Variants in PREX1 observed in about 807,000 individuals in gnomAD.
PREX1 encodes the protein phosphatidylinositol 3,4,5-trisphosphate-dependent Rac exchanger 1 protein.
Under a neutral mutation model 198.3 loss-of-function variants are expected in PREX1, and 41 were observed. That is an observed-to-expected ratio of 0.21 (90% CI 0.16 to 0.27). The LOEUF (loss-of-function observed/expected upper bound fraction) is 0.27. Ranked by LOEUF, PREX1 falls within the 10% of genes least tolerant of loss-of-function variation. The pLI, the probability that PREX1 is intolerant of heterozygous loss-of-function variation, is 1.00. For missense variants in PREX1, 1,620 were observed against 2,200.7 expected (o/e 0.74, Z 5.28); for synonymous variants, 843 against 887.2 (o/e 0.95, Z 0.89).
At chr20:48,745,929 T>C (rs1025744174) in intron 2 of PREX1, among the ~76,000 whole-genome samples, 1 of 152,246 alleles carries the variant, frequency 6.6e-6, no homozygotes, top group Non-Finnish European at 1.5e-5. Flanking sequence ...CTTCCTGCAA[T>C]GTACAGGACA....
chr20:48,851,683 T>C, the PREX1 span, among the ~76,000 whole-genome samples: 17 of 152,164 alleles, frequency 1.1e-4, no homozygotes, highest in African/African-American at 4.1e-4. Context: ...TGGCTGTCAC[T>C]TGTTTGTTAT....
At chr20:48,807,565 T>A (rs1302226036) in intron 1 of PREX1, among the ~76,000 whole-genome samples, 1 of 152,184 alleles carries the variant, frequency 6.6e-6, no homozygotes, top group Non-Finnish European at 1.5e-5. Flanking sequence ...ACTTACATCT[T>A]TACCTACTTT....
chr20:48,851,517 A>AAAAT, the PREX1 span, among the ~76,000 whole-genome samples: 1 of 152,124 alleles, frequency 6.6e-6, no homozygotes, highest in Non-Finnish European at 1.5e-5. Flanking sequence ...AAAATAAATA[A>AAAAT]AAATAAATAA....
intron 1 of PREX1, among the ~76,000 whole-genome samples, chr20:48,750,531 C>G (rs2090129605): frequency 1.3e-5 from 2 of 152,214 alleles, no homozygotes; most frequent in South Asian, 4.1e-4. Context: ...CACTCTCATT[C>G]TAGATTCTAT....
At chr20:48,842,335 C>A in the PREX1 span, among the ~76,000 whole-genome samples, 4 of 152,130 alleles carry the variant, frequency 2.6e-5, no homozygotes, top group African/African-American at 9.7e-5. Context: ...TTAATCTAAT[C>A]TCAAAGACCA....
At chr20:48,643,554 C>A (rs1456367536) in intron 27 of PREX1, among the ~76,000 whole-genome samples, 1 of 152,136 alleles carries the variant, frequency 6.6e-6, no homozygotes, top group Non-Finnish European at 1.5e-5. Context: ...ATCCATCCAC[C>A]CACCTGCCCA....
intron 10 of PREX1, among the ~76,000 whole-genome samples, chr20:48,683,055 G>A (rs1319769488): frequency 6.6e-6 from 1 of 152,242 alleles, no homozygotes; most frequent in African/African-American, 2.4e-5. Context: ...TGTGGGACAG[G>A]CGCCCCAGGT....
At chr20:48,859,404 G>C in the PREX1 span, among the ~76,000 whole-genome samples, 1 of 152,116 alleles carries the variant, frequency 6.6e-6, no homozygotes, top group Non-Finnish European at 1.5e-5. Flanking sequence ...AATGCCCCAT[G>C]AAGATTCTCC....
chr20:48,792,307 C>T (rs1467207658), intron 1 of PREX1, among the ~76,000 whole-genome samples: 2 of 152,040 alleles, frequency 1.3e-5, no homozygotes, highest in African/African-American at 4.8e-5. Context: ...CCGGTCTCTA[C>T]TAAAAACACA....
chr20:48,842,635 C>A, the PREX1 span, among the ~76,000 whole-genome samples: 5 of 150,848 alleles, frequency 3.3e-5, no homozygotes, highest in Non-Finnish European at 5.9e-5. Context: ...GTGTCTCCAT[C>A]CTTATCATAT....
Position 48,650,267 on chromosome 20 carries a change from A to G in PREX1, c.2818-61T>C, listed in dbSNP as rs991152610. On this transcript the variant is annotated intron_variant, in intron 23 of 39. Coordinates refer to ENST00000371941, the MANE Select transcript of PREX1 (RefSeq NM_020820.4). ...GGGCAGGGTCTGGAAATATTGGCCC[A>G]TACCCAGTACCCACTTTATCCTGGC... is the stretch of plus-strand genomic sequence containing the variant. The G allele has an allele frequency of 1.3e-5, 19 of 1,502,316 alleles. No individual in the cohort carries two copies. In the African/African-American group the frequency reaches 2.2e-4, roughly 18 times the overall value. 93.1% of individuals were successfully genotyped at this position (1,502,316 alleles called of 1,614,324 possible).
chr20:48,681,465 G>A (rs755665323), intron 10 of PREX1, 130 bp from the exon 11 acceptor site: 48 of 847,688 alleles, frequency 5.7e-5, no homozygotes, highest in Non-Finnish European at 8.4e-5. Context: ...GAAGCCGAGT[G>A]TAGTAGTCTA....
chr20:48,642,553 C>G (rs774724439), intron 27 of PREX1, 64 bp from the exon 28 acceptor site: 2 of 1,408,748 alleles, frequency 1.4e-6, no homozygotes, highest in Non-Finnish European at 2.0e-6. Flanking sequence ...ATCCCCAGCA[C>G]TTTCCTAAGA....
intron 14 of PREX1, among the ~76,000 whole-genome samples, chr20:48,668,129 C>T (rs1037926420): frequency 6.6e-6 from 1 of 151,938 alleles, no homozygotes; most frequent in Non-Finnish European, 1.5e-5. Context: ...CAATACGTCC[C>T]GGCCAAGTGT....
rs112972823 is a variant in PREX1 at position 48,666,387 on chromosome 20, G to A, written c.1666-32C>T. 3.9e-6 allele frequency: 6 copies of A among 1,529,334 alleles called. No homozygotes were observed. In the South Asian group the frequency reaches 6.0e-5, roughly 15 times the overall value. The allele number at this position is 1,529,334 out of a possible 1,614,324, so 94.7% of individuals were successfully genotyped here. A position where few individuals can be genotyped will look rare whatever the true frequency, so the allele number is the denominator to read the frequency against. ...TGGAACAAGAAGGGGAGGGTGTTAG[G>A]TGGCAGCATCCGAGAGGCCATGCAT... On this transcript the variant is annotated intron_variant, in intron 14 of 39. Transcript: ENST00000371941. The surrounding 1 kb of genome is among the most constrained non-coding windows in gnomAD (Gnocchi z 4.3).
chr20:48,627,986 G>T, intron 37 of PREX1, 23 bp from the exon 38 acceptor site: 2 of 1,508,166 alleles, frequency 1.3e-6, no homozygotes, highest in Non-Finnish European at 1.8e-6. Context: ...AGGGAGGACA[G>T]CGGGTTGGCG....
chr20:48,654,188 T>C lies in PREX1; in HGVS notation c.2210-691A>G, dbSNP rs73911611. On this transcript the variant is annotated intron_variant, in intron 19 of 39. Coordinates refer to ENST00000371941, the MANE Select transcript of PREX1 (RefSeq NM_020820.4). ...GAGGCTGGCTTCCTCATCTGTGAAA[T>C]GGGAACGCTCATAATCCCTACGCTG... 3.5e-3 allele frequency among the ~76,000 whole-genome samples: 530 copies of C among 152,298 alleles called. 6 individuals carry two copies. The highest frequency in any genetic ancestry group is 0.016 in the South Asian group (79 of 4,826).
rs560093410 is a variant in PREX1 at position 48,645,417 on chromosome 20, A to G, written c.3512+434T>C. Among the ~76,000 whole-genome samples, 3 of 152,354 alleles carry G rather than the reference A, an allele frequency of 2.0e-5. No individual in the cohort carries two copies. In the South Asian group the frequency reaches 6.2e-4, roughly 32 times the overall value. On this transcript the variant is annotated intron_variant, in intron 26 of 39. Coordinates refer to ENST00000371941, the MANE Select transcript of PREX1 (RefSeq NM_020820.4). ...GGACCTCACTGATCTTGTTATAATT[A>G]ACCAGTAGAAAATTTAGATCTTCTC... is the stretch of plus-strand genomic sequence containing the variant.
chr20:48,676,718 G>A (rs902356231), intron 13 of PREX1, among the ~76,000 whole-genome samples: 4 of 152,244 alleles, frequency 2.6e-5, no homozygotes, highest in East Asian at 1.9e-4. Flanking sequence ...TCCTGGCTAC[G>A]ATGCCACCGG....
Sources: allele counts gnomAD v4.1 joint callset (sites outside exome capture counted in the v4.1 genomes callset), GRCh38; gene constraint gnomAD v4.1.1; non-coding constraint Gnocchi (gnomAD v3.1); transcripts MANE v1.5; gene names NCBI Gene and HGNC (gene_info 2026-07-23, HGNC 2026-07-21).